PTPRM: variants seen among roughly 807,000 people sequenced by gnomAD.
The protein encoded by PTPRM is protein tyrosine phosphatase receptor type M.
In PTPRM, 47 loss-of-function variants were observed where a neutral mutation model predicts 186.7. That is an observed-to-expected ratio of 0.25 (90% CI 0.20 to 0.32). PTPRM has a LOEUF of 0.32. Among genes scored for constraint, PTPRM ranks in the 10% least tolerant of loss-of-function variants. The pLI is 1.00. For synonymous variants in PTPRM, 668 were observed against 674.9 expected, an observed-to-expected ratio of 0.99 and a Z score of 0.16; for missense variants, 1,494 against 1,865.0, an observed-to-expected ratio of 0.80 and a Z score of 3.66.
At chr18:7,624,066 G>A (rs2038002672) in intron 1 of PTPRM, among the ~76,000 whole-genome samples, 2 of 152,252 alleles carry the variant, frequency 1.3e-5, no homozygotes, top group South Asian at 4.2e-4. Flanking sequence ...GTGTATACTG[G>A]AAACTATTAT....
At chr18:7,798,548 A>G (rs1358015042) in intron 2 of PTPRM, among the ~76,000 whole-genome samples, 1 of 151,862 alleles carries the variant, frequency 6.6e-6, no homozygotes, top group African/African-American at 2.4e-5. Context: ...AAAGGTTAAG[A>G]TGGTAAATTT....
intron 1 of PTPRM, among the ~76,000 whole-genome samples, chr18:7,724,762 T>G (rs1472423677): frequency 6.6e-6 from 1 of 152,228 alleles, no homozygotes. Context: ...GTTCCTCGTA[T>G]ATTCATATAT....
intron 1 of PTPRM, among the ~76,000 whole-genome samples, chr18:7,577,653 A>G (rs1044817470): frequency 6.6e-6 from 1 of 152,086 alleles, no homozygotes; most frequent in African/African-American, 2.4e-5. Flanking sequence ...CTACTTTGAC[A>G]ACAACCTCAT....
intron 1 of PTPRM, among the ~76,000 whole-genome samples, chr18:7,694,619 G>T (rs150557658): frequency 0.019 from 2,840 of 152,068 alleles, 83 homozygotes; most frequent in East Asian, 0.1. Context: ...TAGAGACAGA[G>T]TTTCACCAGG....
At chr18:7,791,978 A>G (rs899860409) in intron 2 of PTPRM, among the ~76,000 whole-genome samples, 20 of 152,110 alleles carry the variant, frequency 1.3e-4, no homozygotes, top group African/African-American at 4.6e-4. Context: ...TCTTCCCTTA[A>G]CTCTGATAAT....
In PTPRM at chr18:8,114,676, G is replaced by T. The variant is rs74390244; in HGVS notation, c.2131-115G>T. Reference sequence around the variant, plus strand: ...ATAATTGCTGTGTGATTAAAGACACGCTCAGAACAGTGAGATCCTTCCTTA... The same window carrying T: ...ATAATTGCTGTGTGATTAAAGACACTCTCAGAACAGTGAGATCCTTCCTTA... On this transcript the variant is annotated intron_variant, in intron 12 of 32. Coordinates refer to ENST00000580170, the MANE Select transcript of PTPRM (RefSeq NM_001105244.2). 613 of 847,904 alleles carry T rather than the reference G, an allele frequency of 7.2e-4. 1 individual carries two copies. The highest frequency in any genetic ancestry group is 1.0e-3 in the Non-Finnish European group (537 of 529,298). 52.5% of individuals were successfully genotyped at this position (847,904 alleles called of 1,614,324 possible).
chr18:8,091,461 A>G (rs996789569), intron 11 of PTPRM, among the ~76,000 whole-genome samples: 2 of 152,186 alleles, frequency 1.3e-5, no homozygotes, highest in African/African-American at 4.8e-5. Flanking sequence ...GGCATCATTC[A>G]GTAAGCATTA....
intron 5 of PTPRM, among the ~76,000 whole-genome samples, chr18:7,931,086 A>G (rs1374195058): frequency 6.6e-6 from 1 of 152,164 alleles, no homozygotes; most frequent in Non-Finnish European, 1.5e-5. Context: ...CTTTTCTTGT[A>G]TCGAAAAACC....
At chr18:8,180,584 G>T (rs2093558556) in intron 14 of PTPRM, among the ~76,000 whole-genome samples, 1 of 152,132 alleles carries the variant, frequency 6.6e-6, no homozygotes, top group Non-Finnish European at 1.5e-5. Flanking sequence ...CCTTGGGGTG[G>T]GCTGTTCGAA....
At chr18:8,252,643 T>A (rs1488383296) in intron 18 of PTPRM, 144 bp downstream of exon 18, 1 of 778,700 alleles carries the variant, frequency 1.3e-6, no homozygotes, top group African/African-American at 1.7e-5. Context: ...GTGTGATGTG[T>A]TGGTCCACAA....
Position 8,088,550 on chromosome 18 carries a change from G to T in PTPRM, c.1754-199G>T, listed in dbSNP as rs565330099. Among the ~76,000 whole-genome samples, 5 of 152,280 alleles carry T rather than the reference G, an allele frequency of 3.3e-5. No individual in the cohort carries two copies. The East Asian group carries it at 5.8e-4, about 18-fold the overall frequency. ...CCAACTTCAACTCAAGATCACAGAGGACAGTATGGGCTGCTTTTAGCAGCT... is the reference window on the plus strand; with the variant it reads ...CCAACTTCAACTCAAGATCACAGAGTACAGTATGGGCTGCTTTTAGCAGCT... On this transcript the variant is annotated intron_variant, in intron 10 of 32. Coordinates refer to ENST00000580170, the MANE Select transcript of PTPRM (RefSeq NM_001105244.2).
chr18:7,882,211 C>G (rs2146292307), intron 2 of PTPRM, among the ~76,000 whole-genome samples: 1 of 152,218 alleles, frequency 6.6e-6, no homozygotes, highest in East Asian at 1.9e-4. Context: ...CGAATAATAA[C>G]AAATCTGGGG....
chr18:8,273,119 C>A (rs2094792383), intron 19 of PTPRM, among the ~76,000 whole-genome samples: 1 of 152,138 alleles, frequency 6.6e-6, no homozygotes, highest in Non-Finnish European at 1.5e-5. Flanking sequence ...TTTAGTATTT[C>A]AATCAAGTCT....
chr18:7,567,620 G>T lies in PTPRM; in HGVS notation c.-199G>T. Reference sequence around the variant, plus strand: ...AGTGGGGCCAGGGACAGGGGAGGAGGACCCAGGACCCTGTGCCCGCGCCCC... The same window carrying T: ...AGTGGGGCCAGGGACAGGGGAGGAGTACCCAGGACCCTGTGCCCGCGCCCC... On this transcript the variant is annotated 5_prime_UTR_variant, in exon 1 of 33. Coordinates refer to ENST00000580170, the MANE Select transcript of PTPRM (RefSeq NM_001105244.2). This position sits in a 1 kb window ranked among gnomAD's most constrained non-coding sequence, Gnocchi z 4.3. 2.2e-6 allele frequency: 1 copy of T among 456,302 alleles called. No homozygotes were observed. The highest frequency in any genetic ancestry group is 3.8e-6 in the Non-Finnish European group (1 of 262,924). The allele number at this position is 456,302 out of a possible 1,614,324, so 28.3% of individuals were successfully genotyped here.
At chr18:8,161,158 G>C (rs993222732) in intron 14 of PTPRM, among the ~76,000 whole-genome samples, 2 of 152,164 alleles carry the variant, frequency 1.3e-5, no homozygotes, top group Admixed American at 1.3e-4. Flanking sequence ...AGCATTCACT[G>C]AAAATATTAA....
intron 7 of PTPRM, among the ~76,000 whole-genome samples, chr18:8,004,039 A>G (rs1466270748): frequency 1.3e-5 from 2 of 152,184 alleles, no homozygotes; most frequent in Admixed American, 6.5e-5. Flanking sequence ...ACGTCTCTGA[A>G]AGGAAATGGA....
At chr18:8,164,358 A>C (rs2093283722) in intron 14 of PTPRM, among the ~76,000 whole-genome samples, 1 of 152,244 alleles carries the variant, frequency 6.6e-6, no homozygotes, top group Admixed American at 6.5e-5. Flanking sequence ...TATATGTCCA[A>C]AAGAAATGAA....
At chr18:8,267,771 G>A (rs1348777712) in intron 19 of PTPRM, among the ~76,000 whole-genome samples, 1 of 152,126 alleles carries the variant, frequency 6.6e-6, no homozygotes, top group East Asian at 1.9e-4. Flanking sequence ...TGTAAGAATG[G>A]TTACTTCAGT....
chr18:7,779,343 T>C (rs1046271159), intron 2 of PTPRM, among the ~76,000 whole-genome samples: 10 of 152,156 alleles, frequency 6.6e-5, no homozygotes, highest in Non-Finnish European at 1.2e-4. Flanking sequence ...CTGTGGGGAA[T>C]TGGGAATGAT....
Sources: allele counts gnomAD v4.1 joint callset (sites outside exome capture counted in the v4.1 genomes callset), GRCh38; gene constraint gnomAD v4.1.1; non-coding constraint Gnocchi (gnomAD v3.1); transcripts MANE v1.5; gene names NCBI Gene and HGNC (gene_info 2026-07-23, HGNC 2026-07-21).